The following LINGO2 variants were observed in gnomAD, a reference collection of about 807,000 sequenced individuals.
LINGO2 encodes leucine rich repeat and Ig domain containing 2, also known as leucine-rich repeat and immunoglobulin-like domain-containing nogo receptor-interacting protein 2.
A neutral mutation model predicts 30.6 loss-of-function variants in LINGO2; 14 were observed. That is an observed-to-expected ratio of 0.46 (90% CI 0.30 to 0.72). The LOEUF is 0.72. LINGO2 is among the 30% of genes least tolerant of loss of function. The pLI is 0.07. For synonymous variants in LINGO2, 317 were observed against 288.5 expected (o/e 1.10, Z -1.00); for missense variants, 729 against 751.7 (o/e 0.97, Z 0.35).
At chr9:29,043,498 C>A in the LINGO2 span, among the ~76,000 whole-genome samples, 1 of 151,922 alleles carries the variant, frequency 6.6e-6, no homozygotes, top group South Asian at 2.1e-4. Flanking sequence ...AATCTGGGTT[C>A]CATGCAATAT....
chr9:29,095,191 T>C, the LINGO2 span, among the ~76,000 whole-genome samples: 2 of 138,260 alleles, frequency 1.4e-5, 1 homozygote, highest in African/African-American at 5.4e-5. Context: ...ATTCTATACT[T>C]TGATAAATGT....
the LINGO2 span, among the ~76,000 whole-genome samples, chr9:28,840,011 C>CAAATTACTACAG: frequency 6.7e-6 from 1 of 149,456 alleles, no homozygotes; most frequent in African/African-American, 2.6e-5. Context: ...AGTGCAGGCA[C>CAAATTACTACAG]ACCCAACTGG....
chr9:29,014,244 A>C, the LINGO2 span, among the ~76,000 whole-genome samples: 1 of 152,178 alleles, frequency 6.6e-6, no homozygotes, highest in Admixed American at 6.6e-5. Flanking sequence ...AGAGAAATTC[A>C]AATTGGATGC....
chr9:28,789,491 C>G, the LINGO2 span, among the ~76,000 whole-genome samples: 3 of 152,238 alleles, frequency 2.0e-5, no homozygotes, highest in African/African-American at 7.2e-5. Context: ...ATCTCTATCT[C>G]TAGGAAAGAC....
chr9:28,413,767 T>G (rs1822862989), intron 2 of LINGO2, among the ~76,000 whole-genome samples: 1 of 152,102 alleles, frequency 6.6e-6, no homozygotes, highest in East Asian at 1.9e-4. Flanking sequence ...GCTTCACATA[T>G]ACTTCAAACG....
At chr9:28,101,101 A>G (rs1458711700) in intron 4 of LINGO2, among the ~76,000 whole-genome samples, 1 of 152,106 alleles carries the variant, frequency 6.6e-6, no homozygotes, top group East Asian at 1.9e-4. Context: ...TTTAAAGAAA[A>G]GATAAAAAGA....
At chr9:28,790,569 C>A in the LINGO2 span, among the ~76,000 whole-genome samples, 2 of 151,506 alleles carry the variant, frequency 1.3e-5, no homozygotes, top group Admixed American at 6.6e-5. Flanking sequence ...CTCCTGACGT[C>A]GTGATCCACA....
the LINGO2 span, among the ~76,000 whole-genome samples, chr9:29,185,964 A>C: frequency 1.8e-4 from 28 of 152,212 alleles, no homozygotes; most frequent in African/African-American, 6.3e-4. Flanking sequence ...TTTTTAAAAA[A>C]TAAACACAAT....
At chr9:28,379,230 G>C (rs936966702) in intron 2 of LINGO2, among the ~76,000 whole-genome samples, 1 of 152,034 alleles carries the variant, frequency 6.6e-6, no homozygotes, top group Non-Finnish European at 1.5e-5. Flanking sequence ...TTTTTCAGAT[G>C]AGAAGGCATT....
the LINGO2 span, among the ~76,000 whole-genome samples, chr9:29,062,380 T>C: frequency 6.6e-6 from 1 of 152,152 alleles, no homozygotes; most frequent in Admixed American, 6.6e-5. Context: ...AAGAGATATT[T>C]GCACACCCAT....
the LINGO2 span, among the ~76,000 whole-genome samples, chr9:28,678,157 A>C: frequency 4.0e-5 from 6 of 151,252 alleles, no homozygotes; most frequent in South Asian, 2.1e-4. Context: ...AAAAAAAAAA[A>C]AACTTTATTT....
intron 1 of LINGO2, among the ~76,000 whole-genome samples, chr9:28,659,420 T>C (rs1308743352): frequency 2.0e-5 from 3 of 152,032 alleles, no homozygotes; most frequent in Non-Finnish European, 4.4e-5. Context: ...CAGCAATAGC[T>C]TGACAGCTGA....
chr9:28,958,216 C>G, the LINGO2 span, among the ~76,000 whole-genome samples: 1 of 152,116 alleles, frequency 6.6e-6, no homozygotes, highest in Non-Finnish European at 1.5e-5. Context: ...GGACTGGATT[C>G]TGGGAGCTGC....
intron 5 of LINGO2, among the ~76,000 whole-genome samples, chr9:27,970,164 G>C (rs144071002): frequency 1.6e-3 from 251 of 152,268 alleles, no homozygotes; most frequent in African/African-American, 5.8e-3. Flanking sequence ...ACACTGGGAT[G>C]CTTCTGTAGG....
chr9:27,968,196 T>A (rs1699383564), intron 5 of LINGO2, among the ~76,000 whole-genome samples: 1 of 152,110 alleles, frequency 6.6e-6, no homozygotes, highest in South Asian at 2.1e-4. Flanking sequence ...GGAAACTCTG[T>A]CCAGTAAACA....
At chr9:29,156,062 A>T in the LINGO2 span, among the ~76,000 whole-genome samples, 9 of 152,276 alleles carry the variant, frequency 5.9e-5, no homozygotes, top group African/African-American at 2.2e-4. Context: ...AGTAGCCCTT[A>T]GAATTAAAGC....
intron 4 of LINGO2, among the ~76,000 whole-genome samples, chr9:28,013,865 G>T (rs1423578530): frequency 6.6e-6 from 1 of 152,178 alleles, no homozygotes. Flanking sequence ...TTGTCAGATT[G>T]TTAGGTGAAA....
At chr9:28,520,834 A>C (rs1194776884) in intron 1 of LINGO2, among the ~76,000 whole-genome samples, 1 of 152,240 alleles carries the variant, frequency 6.6e-6, no homozygotes, top group Non-Finnish European at 1.5e-5. Flanking sequence ...CAACTTTTTC[A>C]TTAAATCTCC....
chr9:27,997,932 G>A (rs546474760), intron 5 of LINGO2, among the ~76,000 whole-genome samples: 1 of 150,236 alleles, frequency 6.7e-6, no homozygotes, highest in Non-Finnish European at 1.5e-5. Context: ...TTTCAGGAAG[G>A]GGATTCACAT....
Sources: gnomAD v4.1 joint callset for allele counts (sites outside exome capture counted in the v4.1 genomes callset) on GRCh38, gnomAD v4.1.1 for gene constraint, MANE v1.5 for transcripts, NCBI Gene and HGNC (gene_info 2026-07-23, HGNC 2026-07-21) for gene names.